Variants in DOCK7 observed in about 807,000 individuals in gnomAD.
DOCK7 encodes dedicator of cytokinesis 7.
Under a neutral mutation model 271.0 loss-of-function variants are expected in DOCK7, and 138 were observed. The ratio of observed to expected loss-of-function variants is 0.51; its 90% CI spans 0.44 to 0.59. The LOEUF (loss-of-function observed/expected upper bound fraction) is 0.59. Ranked by LOEUF, DOCK7 falls within the 20% of genes least tolerant of loss-of-function variation. The pLI is 0.00. For missense variants in DOCK7, 2,066 were observed against 2,592.4 expected, an observed-to-expected ratio of 0.80 and a Z score of 4.41; for synonymous variants, 823 against 876.1, an observed-to-expected ratio of 0.94 and a Z score of 1.07.
chr1:62,538,179 G>A, intron 27 of DOCK7, 118 bp from the exon 28 acceptor site: 3 of 1,044,622 alleles, frequency 2.9e-6, no homozygotes, highest in Non-Finnish European at 4.0e-6. Flanking sequence ...TTTGGGTTTT[G>A]TGGCTTAAGT....
At chr1:62,470,668 C>T (rs1645805586) in intron 48 of DOCK7, among the ~76,000 whole-genome samples, 1 of 152,056 alleles carries the variant, frequency 6.6e-6, no homozygotes, top group African/African-American at 2.4e-5. Context: ...GTGGTGGGCA[C>T]CTGTAATCCC....
At chr1:62,608,597 T>A (rs912961028) in intron 14 of DOCK7, 6 of 152,204 alleles carry the variant, frequency 3.9e-5, no homozygotes, top group African/African-American at 1.4e-4. Flanking sequence ...ATAAAAATTC[T>A]GAAAAATAGT....
intron 14 of DOCK7, among the ~76,000 whole-genome samples, chr1:62,617,925 AAGG>A: frequency 6.6e-6 from 1 of 152,152 alleles, no homozygotes; most frequent in East Asian, 1.9e-4. Context: ...AGGGGTAGGA[AAGG>A]AGAGAAATCA....
At position 62,597,944 on chromosome 1, in the gene DOCK7, C is replaced by T. The variant is rs1649528013; in HGVS notation, c.1683-11320G>A. 3.2e-6 allele frequency: 5 copies of T among 1,549,920 alleles called. No homozygotes were observed. Among genetic ancestry groups the T allele is most frequent in the Non-Finnish European group, 4.3e-6 (5 of 1,156,276 alleles). On this transcript the variant is annotated intron_variant, in intron 14 of 49. Coordinates refer to ENST00000635253, the MANE Select transcript of DOCK7 (RefSeq NM_001367561.1). ...TTGAACTCAACTCAAAACTTGAAAG[C>T]CTCCTAGAAGAAAAAATTCTACTTC...
At chr1:62,463,481 T>C (rs1645588222) in intron 48 of DOCK7, among the ~76,000 whole-genome samples, 1 of 152,210 alleles carries the variant, frequency 6.6e-6, no homozygotes, top group Admixed American at 6.5e-5. Context: ...AAATCTCTTG[T>C]ACATGTATGT....
intron 24 of DOCK7, chr1:62,543,414 G>T: frequency 3.4e-6 from 1 of 296,998 alleles, no homozygotes; most frequent in East Asian, 5.5e-5. Flanking sequence ...GATCAAATTT[G>T]AATTCACTAA....
At chr1:62,604,963 C>T (rs1011397082) in intron 14 of DOCK7, 10 of 726,546 alleles carry the variant, frequency 1.4e-5, no homozygotes, top group African/African-American at 1.2e-4. Context: ...TAAGATTAAA[C>T]ATACAATCAC....
chr1:62,589,844 T>C (rs1211603074), intron 14 of DOCK7, among the ~76,000 whole-genome samples: 4 of 146,074 alleles, frequency 2.7e-5, no homozygotes, highest in African/African-American at 2.6e-5. Context: ...ATCGCGCCAC[T>C]GCACTCCAGC....
At chr1:62,603,456 TG>T (rs1432274799) in intron 14 of DOCK7, among the ~76,000 whole-genome samples, 1 of 151,808 alleles carries the variant, frequency 6.6e-6, no homozygotes, top group African/African-American at 2.4e-5. Context: ...AAATTTAAAA[TG>T]ATTTTTTAAA....
rs763706732 is a variant in DOCK7 at position 62,583,387 on chromosome 1, C to T, written c.1801-133G>A. The stretch of plus-strand genomic sequence containing the variant: ...AATCAGCCCAATGAAGAACAATGTG[C>T]CTACTGACGTTCATCAAAAAGTTCA... On this transcript the variant is annotated intron_variant, in intron 15 of 49. Transcript: ENST00000635253. 20 of 671,856 alleles carry T rather than the reference C, an allele frequency of 3.0e-5. No individual in the cohort carries two copies. The Admixed American group carries it at 3.6e-4, about 12-fold the overall frequency. 41.6% of individuals were successfully genotyped at this position (671,856 alleles called of 1,614,324 possible). A position where few individuals can be genotyped will look rare whatever the true frequency, so the allele number is the denominator to read the frequency against.
chr1:62,488,591 C>T (rs1315864639), intron 42 of DOCK7: 1 of 195,588 alleles, frequency 5.1e-6, no homozygotes, highest in Non-Finnish European at 1.0e-5. Context: ...ACTTCATTTT[C>T]ACAGCAAAGG....
chr1:62,535,794 A>G (rs1645326722), intron 28 of DOCK7, among the ~76,000 whole-genome samples, 162 bp from the exon 29 acceptor site: 1 of 152,226 alleles, frequency 6.6e-6, no homozygotes, highest in South Asian at 2.1e-4. Context: ...ACAGGAAACT[A>G]TGATGAGATT....
At chr1:62,598,713 A>C (rs1299472334) in intron 14 of DOCK7, 1 of 1,608,550 alleles carries the variant, frequency 6.2e-7, no homozygotes, top group Non-Finnish European at 8.5e-7. Context: ...TAGAAAAACA[A>C]GATAATAGCA....
At chr1:62,514,820 C>A (rs1644611210) in intron 31 of DOCK7, among the ~76,000 whole-genome samples, 1 of 151,830 alleles carries the variant, frequency 6.6e-6, no homozygotes, top group South Asian at 2.1e-4. Flanking sequence ...CTTACTATAC[C>A]AAGAAAGGGT....
intron 48 of DOCK7, among the ~76,000 whole-genome samples, chr1:62,468,158 C>T (rs896268602): frequency 9.2e-5 from 14 of 151,778 alleles, no homozygotes. Context: ...GTCGGGAGTT[C>T]GAGACCAGCC....
At chr1:62,467,149 G>A (rs749648875) in intron 48 of DOCK7, among the ~76,000 whole-genome samples, 1 of 152,160 alleles carries the variant, frequency 6.6e-6, no homozygotes, top group African/African-American at 2.4e-5. Flanking sequence ...TGTCATCACT[G>A]TTTACAGAGA....
chr1:62,552,596 G>T (rs758896793), intron 22 of DOCK7, 136 bp downstream of exon 22: 43 of 825,616 alleles, frequency 5.2e-5, no homozygotes, highest in Non-Finnish European at 6.8e-5. Flanking sequence ...TTTACTGATA[G>T]AACAGAAATG....
chr1:62,553,899 T>C (rs1185496046), intron 21 of DOCK7, among the ~76,000 whole-genome samples: 1 of 151,472 alleles, frequency 6.6e-6, no homozygotes, highest in Non-Finnish European at 1.5e-5. Context: ...TCGGTATAGT[T>C]GGTATTTCGG....
chr1:62,598,206 A>G (rs949377779), intron 14 of DOCK7: 1 of 871,492 alleles, frequency 1.1e-6, no homozygotes, highest in Non-Finnish European at 1.6e-6. Context: ...CAGAAAATAA[A>G]ATTTCCTATT....
Sources: allele counts gnomAD v4.1 joint callset (sites outside exome capture counted in the v4.1 genomes callset), GRCh38; gene constraint gnomAD v4.1.1; transcripts MANE v1.5; gene names NCBI Gene and HGNC (gene_info 2026-07-23, HGNC 2026-07-21).